The following DOK6 variants were observed in gnomAD, a reference collection of about 807,000 sequenced individuals.
The protein encoded by DOK6 is docking protein 6.
DOK6 carries 22 observed loss-of-function variants against 44.0 expected under a neutral mutation model. The observed-to-expected ratio is 0.50, with a 90% CI of 0.36 to 0.71. DOK6 has a LOEUF of 0.71. DOK6 is among the 30% of genes least tolerant of loss of function. The probability of loss-of-function intolerance (pLI) is 0.00; values close to 1 mark genes in which losing one functional copy is unlikely to be tolerated. For missense variants in DOK6, 340 were observed against 416.4 expected, an observed-to-expected ratio of 0.82 and a Z score of 1.60; for synonymous variants, 166 against 145.5, an observed-to-expected ratio of 1.14 and a Z score of -1.01.
At chr18:69,821,135 A>G (rs1296969216) in intron 7 of DOK6, among the ~76,000 whole-genome samples, 1 of 152,174 alleles carries the variant, frequency 6.6e-6, no homozygotes, top group Non-Finnish European at 1.5e-5. Flanking sequence ...GAACCATGCT[A>G]TGAAAATTGT....
At chr18:69,812,866 A>G (rs1046289287) in intron 7 of DOK6, among the ~76,000 whole-genome samples, 1 of 152,106 alleles carries the variant, frequency 6.6e-6, no homozygotes, top group Admixed American at 6.6e-5. Flanking sequence ...TTCAGATTTC[A>G]TGAGAACAGC....
intron 5 of DOK6, among the ~76,000 whole-genome samples, chr18:69,706,199 G>A (rs1986629835): frequency 6.6e-6 from 1 of 152,192 alleles, no homozygotes; most frequent in Non-Finnish European, 1.5e-5. Context: ...TTGGAGAGAA[G>A]TAGCACCTGA....
intron 4 of DOK6, among the ~76,000 whole-genome samples, chr18:69,694,016 GC>G (rs1254290720): frequency 8.3e-6 from 1 of 120,946 alleles, no homozygotes; most frequent in Non-Finnish European, 1.6e-5. Flanking sequence ...CCGAGATCCC[GC>G]CACCGCACTC....
At chr18:69,710,686 C>T (rs1986735585) in intron 5 of DOK6, among the ~76,000 whole-genome samples, 1 of 152,088 alleles carries the variant, frequency 6.6e-6, no homozygotes, top group Non-Finnish European at 1.5e-5. Context: ...CACTAGATTT[C>T]TTTTGTTAAT....
intron 5 of DOK6, among the ~76,000 whole-genome samples, chr18:69,737,336 A>G (rs964954878): frequency 3.3e-5 from 5 of 152,170 alleles, no homozygotes; most frequent in African/African-American, 1.2e-4. Context: ...AGAGCAAAGG[A>G]AGAACTTCCA....
chr18:69,564,800 T>A (rs1005404978), intron 2 of DOK6, among the ~76,000 whole-genome samples: 4 of 152,332 alleles, frequency 2.6e-5, no homozygotes, highest in Admixed American at 2.6e-4. Context: ...CAAAGACTCA[T>A]TTTTATTGCT....
At chr18:69,830,492 T>C (rs1156766129) in intron 7 of DOK6, among the ~76,000 whole-genome samples, 2 of 152,142 alleles carry the variant, frequency 1.3e-5, no homozygotes, top group Non-Finnish European at 1.5e-5. Context: ...AGCACAAAGA[T>C]GGCCATCTGC....
chr18:69,835,559 G>A (rs1982029596), intron 7 of DOK6, among the ~76,000 whole-genome samples: 1 of 151,876 alleles, frequency 6.6e-6, no homozygotes, highest in East Asian at 1.9e-4. Flanking sequence ...GCTCTCTTCT[G>A]TACCCAAGTC....
chr18:69,666,635 A>C (rs1985666673), intron 3 of DOK6, among the ~76,000 whole-genome samples: 1 of 152,056 alleles, frequency 6.6e-6, no homozygotes, highest in South Asian at 2.1e-4. Flanking sequence ...TGGCCTATTT[A>C]TGGTGTTTTC....
At position 69,726,950 on chromosome 18, in the gene DOK6, C is replaced by T. The variant is rs114811864; in HGVS notation, c.600-12015C>T. Among the ~76,000 whole-genome samples, 1,049 of 152,142 alleles carry T rather than the reference C, an allele frequency of 6.9e-3. 15 individuals are homozygous for T. The highest frequency in any genetic ancestry group is 0.024 in the African/African-American group (1,016 of 41,508). The stretch of plus-strand genomic sequence containing the variant: ...GCTCACTGCAGCCTTGACCTCTTGG[C>T]CTCAAGCGATCCTCCCACTTCAGCC... On this transcript the variant is annotated intron_variant, in intron 5 of 7. Coordinates refer to ENST00000382713, the MANE Select transcript of DOK6 (RefSeq NM_152721.6).
chr18:69,774,133 G>GATATAGATATAT (rs1555670148), intron 7 of DOK6, among the ~76,000 whole-genome samples: 4 of 66,866 alleles, frequency 6.0e-5, no homozygotes, highest in African/African-American at 1.7e-4. Flanking sequence ...ATATATATGA[G>GATATAGATATAT]ATATATATAT....
intron 5 of DOK6, among the ~76,000 whole-genome samples, chr18:69,729,507 T>TC (rs1254707334): frequency 6.6e-6 from 1 of 152,092 alleles, no homozygotes; most frequent in Non-Finnish European, 1.5e-5. Flanking sequence ...TTAGTATTTT[T>TC]TTTTCTTTTA....
intron 1 of DOK6, among the ~76,000 whole-genome samples, chr18:69,537,037 T>C (rs1394378884): frequency 6.6e-6 from 1 of 150,840 alleles, no homozygotes; most frequent in Non-Finnish European, 1.5e-5. Flanking sequence ...GGTCTTGCTA[T>C]GTTGACCGGG....
intron 3 of DOK6, among the ~76,000 whole-genome samples, chr18:69,664,370 C>T (rs987536335): frequency 6.6e-6 from 1 of 152,170 alleles, no homozygotes; most frequent in African/African-American, 2.4e-5. Flanking sequence ...TCTTTATGAG[C>T]TGTACAATAC....
At chr18:69,541,383 G>T (rs1323044917) in intron 1 of DOK6, among the ~76,000 whole-genome samples, 1 of 151,458 alleles carries the variant, frequency 6.6e-6, no homozygotes, top group African/African-American at 2.4e-5. Flanking sequence ...CAGTGGGTGG[G>T]ATCTGTGCAT....
intron 1 of DOK6, among the ~76,000 whole-genome samples, chr18:69,517,464 T>C (rs1981560533): frequency 6.6e-6 from 1 of 152,224 alleles, no homozygotes; most frequent in Non-Finnish European, 1.5e-5. Flanking sequence ...CTAGGCTCTA[T>C]TTGAATGGCT....
chr18:69,607,834 G>T lies in DOK6; in HGVS notation c.289+8336G>T, dbSNP rs377395310. On this transcript the variant is annotated intron_variant, in intron 3 of 7. Coordinates refer to ENST00000382713, the MANE Select transcript of DOK6 (RefSeq NM_152721.6). ...AATCAAACAGCTCTCCTACAGCAAA[G>T]GATTCACAAGCAGAGTCACTACACA... Among the ~76,000 whole-genome samples the T allele has an allele frequency of 3.9e-5, 6 of 152,146 alleles. No homozygotes were observed. The East Asian group carries it at 1.2e-3, about 29-fold the overall frequency.
chr18:69,427,662 T>C (rs1978678122), intron 1 of DOK6, among the ~76,000 whole-genome samples: 1 of 152,190 alleles, frequency 6.6e-6, no homozygotes, highest in African/African-American at 2.4e-5. Flanking sequence ...ACACATATGT[T>C]CATTGCAGCA....
chr18:69,625,845 G>A (rs886795685), intron 3 of DOK6, among the ~76,000 whole-genome samples: 25 of 152,136 alleles, frequency 1.6e-4, no homozygotes, highest in African/African-American at 5.6e-4. Flanking sequence ...TGTCTCAACG[G>A]TTTAATGCAT....
Sources: gnomAD v4.1 joint callset for allele counts (sites outside exome capture counted in the v4.1 genomes callset) on GRCh38, gnomAD v4.1.1 for gene constraint, MANE v1.5 for transcripts, NCBI Gene and HGNC (gene_info 2026-07-23, HGNC 2026-07-21) for gene names.